DHRSX: variants seen among roughly 807,000 people sequenced by gnomAD.
The protein encoded by DHRSX is dehydrogenase/reductase X-linked.
A neutral mutation model predicts 34.0 loss-of-function variants in DHRSX; 31 were observed. The observed-to-expected ratio is 0.91, with a 90% CI of 0.69 to 1.23. The LOEUF (loss-of-function observed/expected upper bound fraction) is 1.23. DHRSX is among the 50% of genes most tolerant of loss of function. The pLI, the probability that DHRSX is intolerant of heterozygous loss-of-function variation, is 0.00. For missense variants in DHRSX, 414 were observed against 428.1 expected, an observed-to-expected ratio of 0.97 and a Z score of 0.29; for synonymous variants, 201 against 183.8, an observed-to-expected ratio of 1.09 and a Z score of -0.76.
At chrX:2,496,478 C>A (rs1569350376) in intron 1 of DHRSX, among the ~76,000 whole-genome samples, 1 of 152,148 alleles carries the variant, frequency 6.6e-6, no homozygotes, top group Admixed American at 6.5e-5. Context: ...GGATTATAGG[C>A]ATGAGCCACC....
intron 3 of DHRSX, chrX:2,337,996 T>A: frequency 8.7e-6 from 1 of 115,236 alleles, no homozygotes; most frequent in African/African-American, 3.7e-5. Context: ...CCGCTGTGCC[T>A]CAGCTGAGAC....
intron 1 of DHRSX, among the ~76,000 whole-genome samples, chrX:2,454,754 G>A (rs1387116297): frequency 5.3e-5 from 8 of 152,028 alleles, no homozygotes; most frequent in Admixed American, 6.6e-5. Flanking sequence ...TCAAAACGAC[G>A]TCATGTAGAC....
chrX:2,288,760 T>C (rs1026392764), intron 4 of DHRSX, among the ~76,000 whole-genome samples: 20 of 152,200 alleles, frequency 1.3e-4, no homozygotes, highest in African/African-American at 4.8e-4. Flanking sequence ...AATATGTGCA[T>C]GAGATTTTCT....
chrX:2,250,975 C>T (rs1260687032), intron 5 of DHRSX, among the ~76,000 whole-genome samples: 5 of 152,124 alleles, frequency 3.3e-5, no homozygotes, highest in Non-Finnish European at 5.9e-5. Flanking sequence ...CCCGGGAAAT[C>T]GCAGCCTGCA....
rs1284016470 is a variant in DHRSX, at chrX:2,432,440, A to G, written c.110-7136T>C. The stretch of plus-strand genomic sequence containing the variant: ...AAAATTCTGATATGTACAAAGATTG[A>G]GAACACAATGGCCCTGTAGGAGATT... On this transcript the variant is annotated intron_variant, in intron 1 of 6. Coordinates refer to ENST00000334651, the MANE Select transcript of DHRSX (RefSeq NM_145177.3). 2.6e-5 allele frequency among the ~76,000 whole-genome samples: 4 copies of G among 152,196 alleles called. 1 individual carries two copies. The East Asian group carries it at 7.7e-4, about 29-fold the overall frequency.
chrX:2,247,606 A>G (rs1248864330), intron 5 of DHRSX, among the ~76,000 whole-genome samples: 4 of 146,464 alleles, frequency 2.7e-5, no homozygotes, highest in Admixed American at 6.8e-5. Context: ...GTGAGCCGAG[A>G]TTGCGCCACT....
At chrX:2,249,503 C>T (rs183035515) in intron 5 of DHRSX, among the ~76,000 whole-genome samples, 4,488 of 130,046 alleles carry the variant, frequency 0.035, 273 homozygotes, top group African/African-American at 0.12. Context: ...ACGCTCAGCC[C>T]TTTTTGTGCC....
chrX:2,324,962 G>A (rs1389912888), intron 3 of DHRSX, among the ~76,000 whole-genome samples: 1 of 131,262 alleles, frequency 7.6e-6, no homozygotes, highest in African/African-American at 2.9e-5. Flanking sequence ...TTTTTTTTTA[G>A]TAGAGACGCG....
At chrX:2,399,278 A>G (rs2043453785) in intron 3 of DHRSX, among the ~76,000 whole-genome samples, 1 of 152,076 alleles carries the variant, frequency 6.6e-6, no homozygotes, top group Non-Finnish European at 1.5e-5. Flanking sequence ...ACAGGAACGC[A>G]TGAGTCTATC....
At chrX:2,288,614 T>G in intron 4 of DHRSX, among the ~76,000 whole-genome samples, 1 of 152,316 alleles carries the variant, frequency 6.6e-6, no homozygotes, top group East Asian at 1.9e-4. Flanking sequence ...TACTCTCCTC[T>G]AGAACCAGTG....
At chrX:2,274,139 G>A (rs1340524255) in intron 4 of DHRSX, among the ~76,000 whole-genome samples, 3 of 151,926 alleles carry the variant, frequency 2.0e-5, no homozygotes, top group Non-Finnish European at 4.4e-5. Flanking sequence ...CTGGGTTCAA[G>A]CGATTCTCCT....
rs1224565195 is a variant in DHRSX at position 2,265,116 on chromosome X, G to A, written c.596+1624C>T. 5.7e-4 allele frequency among the ~76,000 whole-genome samples: 81 copies of A among 142,762 alleles called. 1 individual carries two copies. The highest frequency in any genetic ancestry group is 3.5e-3 in the South Asian group (15 of 4,280). The allele number at this position is 142,762 out of a possible 152,430, so 93.7% of individuals were successfully genotyped here. A position where few individuals can be genotyped will look rare whatever the true frequency, so the allele number is the denominator to read the frequency against. On this transcript the variant is annotated intron_variant, in intron 5 of 6. Transcript: ENST00000334651. Reference sequence around the variant, plus strand: ...AGGGAGCACTGTCCCCAGAGCACCAGTGCTCAGCAGACGCAGGGAGCACTG... The same window carrying A: ...AGGGAGCACTGTCCCCAGAGCACCAATGCTCAGCAGACGCAGGGAGCACTG...
At chrX:2,448,277 G>C (rs1239681744) in intron 1 of DHRSX, among the ~76,000 whole-genome samples, 1 of 152,154 alleles carries the variant, frequency 6.6e-6, no homozygotes, top group East Asian at 1.9e-4. Context: ...AGGCTGCAGT[G>C]AGCTATGAAC....
At chrX:2,235,936 A>AC (rs911201243) in intron 6 of DHRSX, among the ~76,000 whole-genome samples, 4 of 148,978 alleles carry the variant, frequency 2.7e-5, no homozygotes, top group African/African-American at 9.9e-5. Context: ...ACATGGTGAA[A>AC]CCCCATCTCT....
intron 3 of DHRSX, among the ~76,000 whole-genome samples, chrX:2,363,806 T>C (rs1367575218): frequency 6.6e-6 from 1 of 152,174 alleles, no homozygotes; most frequent in East Asian, 1.9e-4. Context: ...CATGCTGCCA[T>C]TTCATCACTG....
intron 1 of DHRSX, among the ~76,000 whole-genome samples, chrX:2,457,372 G>A (rs1394650412): frequency 6.6e-6 from 1 of 151,898 alleles, no homozygotes; most frequent in African/African-American, 2.4e-5. Context: ...ACACACTGAA[G>A]ACGTTCCCTA....
chrX:2,330,175 A>AAG (rs2042446860), intron 3 of DHRSX, among the ~76,000 whole-genome samples: 1 of 139,132 alleles, frequency 7.2e-6, no homozygotes, highest in Non-Finnish European at 1.5e-5. Flanking sequence ...GAGGTGAAAG[A>AAG]GGAGGAGGAG....
At chrX:2,270,048 G>C (rs1017511165) in intron 4 of DHRSX, among the ~76,000 whole-genome samples, 1 of 152,102 alleles carries the variant, frequency 6.6e-6, no homozygotes, top group African/African-American at 2.4e-5. Context: ...TATATGTAGA[G>C]GTGTATCCGT....
intron 3 of DHRSX, among the ~76,000 whole-genome samples, chrX:2,326,903 C>T (rs1370196413): frequency 3.3e-5 from 5 of 151,878 alleles, no homozygotes; most frequent in Non-Finnish European, 7.4e-5. Context: ...CCTCCACCTC[C>T]AGGGTTCAAG....
Sources: gnomAD v4.1 joint callset for allele counts (sites outside exome capture counted in the v4.1 genomes callset) on GRCh38, gnomAD v4.1.1 for gene constraint, MANE v1.5 for transcripts, NCBI Gene and HGNC (gene_info 2026-07-23, HGNC 2026-07-21) for gene names.